The following PFKP variants were observed in gnomAD, a reference collection of about 807,000 sequenced individuals.
The protein encoded by PFKP is ATP-dependent 6-phosphofructokinase, platelet type.
In PFKP, 101 loss-of-function variants were observed where a neutral mutation model predicts 94.3. The observed-to-expected ratio is 1.07, with a 90% confidence interval of 0.91 to 1.26. The LOEUF is 1.26. Ranked by LOEUF, PFKP falls within the 50% of genes most tolerant of loss-of-function variation. The pLI is 0.00. For missense variants in PFKP, 1,145 were observed against 1,103.3 expected, an observed-to-expected ratio of 1.04 and a Z score of -0.53; for synonymous variants, 573 against 432.6, an observed-to-expected ratio of 1.32 and a Z score of -4.03.
intron 10 of PFKP, 141 bp from the exon 11 acceptor site, chr10:3,112,081 A>C (rs911577417): frequency 1.0e-5 from 7 of 701,792 alleles, no homozygotes; most frequent in Admixed American, 2.1e-5. Context: ...GGTCGTCTAG[A>C]CCATTAACCC....
intron 8 of PFKP, 77 bp downstream of exon 8, chr10:3,107,386 G>A: frequency 3.6e-6 from 3 of 827,792 alleles, no homozygotes; most frequent in South Asian, 2.9e-5. Flanking sequence ...GGCAGGCTTG[G>A]TTTAGAACAT....
intron 15 of PFKP, among the ~76,000 whole-genome samples, chr10:3,119,144 C>A (rs992299749): frequency 1.3e-5 from 2 of 152,050 alleles, no homozygotes; most frequent in South Asian, 2.1e-4. Context: ...GTATTTCAGG[C>A]CTGTGGAAGT....
At chr10:3,074,942 C>G (rs1832468153) in intron 1 of PFKP, among the ~76,000 whole-genome samples, 2 of 152,046 alleles carry the variant, frequency 1.3e-5, no homozygotes, top group Admixed American at 1.3e-4. Flanking sequence ...AGCCGAGAGC[C>G]CAGAACAGAG....
rs149466076 is a variant in PFKP, at chr10:3,134,133, A to T, written c.2023-350A>T. 9.3e-4 allele frequency among the ~76,000 whole-genome samples: 141 copies of T among 152,342 alleles called. 1 individual carries two copies. Among genetic ancestry groups the T allele is most frequent in the African/African-American group, 3.3e-3 (138 of 41,580 alleles). ...CTGCAATGATGATGAAATAGTAGGCATATGTGTGATCTTCTTAAAGAATCC... is the reference window on the plus strand; with the variant it reads ...CTGCAATGATGATGAAATAGTAGGCTTATGTGTGATCTTCTTAAAGAATCC... On this transcript the variant is annotated intron_variant, in intron 19 of 21. Coordinates refer to ENST00000381125, the MANE Select transcript of PFKP (RefSeq NM_002627.5).
At position 3,132,359 on chromosome 10, in the gene PFKP, TAACA is replaced by T; in HGVS notation, c.1849-18_1849-15del. The T allele has an allele frequency of 6.3e-7, 1 of 1,582,896 alleles. No individual in the cohort carries two copies. On this transcript the variant is annotated splice_polypyrimidine_tract_variant and intron_variant, in intron 17 of 21. Coordinates refer to ENST00000381125, the MANE Select transcript of PFKP (RefSeq NM_002627.5). ...ACTTAGTAGAAGTTTATTGTCTGAT[TAACA>T]AAATACTCTCTTCCAGTCCAACGTG...
intron 13 of PFKP, among the ~76,000 whole-genome samples, chr10:3,113,924 C>T (rs1474212667): frequency 6.6e-6 from 1 of 152,130 alleles, no homozygotes; most frequent in Non-Finnish European, 1.5e-5. Flanking sequence ...ACAGGTAACA[C>T]CCCTTGATGT....
intron 1 of PFKP, among the ~76,000 whole-genome samples, chr10:3,072,512 A>G (rs1832273742): frequency 6.7e-6 from 1 of 149,438 alleles, no homozygotes; most frequent in Non-Finnish European, 1.5e-5. Flanking sequence ...TTTTGCAAAA[A>G]TTACTGGGTC....
intron 17 of PFKP, 99 bp downstream of exon 17, chr10:3,130,082 A>T: frequency 9.9e-7 from 1 of 1,007,810 alleles, no homozygotes. Flanking sequence ...TCCAAGGGGC[A>T]TGGAGATGGA....
chr10:3,112,200 CT>C (rs1272471324), intron 10 of PFKP, 21 bp from the exon 11 acceptor site: 1 of 1,603,736 alleles, frequency 6.2e-7, no homozygotes, highest in South Asian at 1.1e-5. Flanking sequence ...ATTCTTTCTT[CT>C]TTTCATCATT....
chr10:3,103,619 C>T (rs1253445338), intron 4 of PFKP, among the ~76,000 whole-genome samples, 160 bp from the exon 5 acceptor site: 1 of 152,168 alleles, frequency 6.6e-6, no homozygotes, highest in East Asian at 1.9e-4. Flanking sequence ...ACAGTGAGAC[C>T]CTGTCTCAGA....
At position 3,103,769 on chromosome 10, in the gene PFKP, C is replaced by A; in HGVS notation, c.455-10C>A. On this transcript the variant is annotated splice_polypyrimidine_tract_variant and intron_variant, in intron 4 of 21. Coordinates refer to ENST00000381125, the MANE Select transcript of PFKP (RefSeq NM_002627.5). ...ACGGCGATGAGACGTGCTGTTTGCT[C>A]CCCGCGCAGGCCAGATCGATAAGGA... 1 of 1,613,672 alleles carries A rather than the reference C, an allele frequency of 6.2e-7. No homozygotes were observed. The highest frequency in any genetic ancestry group is 8.5e-7 in the Non-Finnish European group (1 of 1,179,940).
chr10:3,134,328 A>C (rs1012516911), intron 19 of PFKP, among the ~76,000 whole-genome samples, 155 bp from the exon 20 acceptor site: 1 of 152,252 alleles, frequency 6.6e-6, no homozygotes, highest in Admixed American at 6.5e-5. Flanking sequence ...TAACAGGCCA[A>C]GTTCAGGCTA....
At position 3,106,221 on chromosome 10, in the gene PFKP, C is replaced by T. The variant is rs553249079; in HGVS notation, c.774+720C>T. On this transcript the variant is annotated intron_variant, in intron 7 of 21. Transcript: ENST00000381125. ...AGGGAGGCAGAAAGCATGGCGTGCA[C>T]GGGGCGCCTGTGGGGCGTCCACCTG... Among the ~76,000 whole-genome samples, 339 of 150,352 alleles carry T rather than the reference C, an allele frequency of 2.3e-3. 10 individuals are homozygous for T. Among genetic ancestry groups the T allele is most frequent in the African/African-American group, 7.8e-3 (316 of 40,768 alleles).
At chr10:3,108,362 A>G (rs1564313051) in intron 8 of PFKP, among the ~76,000 whole-genome samples, 1 of 152,336 alleles carries the variant, frequency 6.6e-6, no homozygotes, top group East Asian at 1.9e-4. Flanking sequence ...AGATGTTTAC[A>G]TTTTTTGTAA....
rs1222542970 is a variant in PFKP, at chr10:3,088,797, CT to C, written c.186+6340del. Among the ~76,000 whole-genome samples the C allele has an allele frequency of 2.6e-5, 4 of 151,928 alleles. No homozygotes were observed. In the East Asian group the frequency reaches 7.7e-4, roughly 29 times the overall value. On this transcript the variant is annotated intron_variant, in intron 2 of 21. Transcript: ENST00000381125. The stretch of plus-strand genomic sequence containing the variant: ...GAGTTCAGAAATATAGTCTTCTTCC[CT>C]TTTATCCTTGCTTTTCCCCACCCCT...
intron 16 of PFKP, among the ~76,000 whole-genome samples, chr10:3,126,095 C>T (rs990023042): frequency 6.6e-6 from 1 of 152,194 alleles, no homozygotes; most frequent in Admixed American, 6.5e-5. Flanking sequence ...AGTGAAAACT[C>T]CCAGTCCTGC....
chr10:3,076,017 CAAAAAA>C (rs59102828), intron 1 of PFKP, among the ~76,000 whole-genome samples: 9 of 61,842 alleles, frequency 1.5e-4, no homozygotes, highest in East Asian at 7.2e-4. Context: ...GACTCCGTCT[CAAAAAA>C]AAAAAAAAAA....
At chr10:3,084,271 A>G (rs1588412648) in intron 2 of PFKP, among the ~76,000 whole-genome samples, 1 of 152,292 alleles carries the variant, frequency 6.6e-6, no homozygotes, top group East Asian at 1.9e-4. Flanking sequence ...TCTAGCTCCC[A>G]TGATGATGCT....
chr10:3,079,946 C>A (rs1832918918), intron 1 of PFKP, among the ~76,000 whole-genome samples: 1 of 150,864 alleles, frequency 6.6e-6, no homozygotes, highest in Admixed American at 7.0e-5. Flanking sequence ...TAAATGGAAT[C>A]AGGTGGGAGG....
Sources: gnomAD v4.1 joint callset for allele counts (sites outside exome capture counted in the v4.1 genomes callset) on GRCh38, gnomAD v4.1.1 for gene constraint, MANE v1.5 for transcripts, NCBI Gene and HGNC (gene_info 2026-07-23, HGNC 2026-07-21) for gene names.